TMTC2: variants seen among roughly 807,000 people sequenced by gnomAD.
The protein encoded by TMTC2 is protein O-mannosyl-transferase TMTC2.
TMTC2 carries 43 observed loss-of-function variants against 82.4 expected under a neutral mutation model. The observed-to-expected ratio is 0.52, with a 90% CI of 0.41 to 0.67. The LOEUF (loss-of-function observed/expected upper bound fraction) is 0.67, where lower values mean the gene tolerates loss of function less well. Ranked by LOEUF, TMTC2 falls within the 30% of genes least tolerant of loss-of-function variation. TMTC2 has a pLI of 0.00. For missense variants in TMTC2, 919 were observed against 1,012.4 expected (o/e 0.91, Z 1.25); for synonymous variants, 408 against 381.9 (o/e 1.07, Z -0.80).
chr12:82,854,124 A>G (rs1465578200), intron 1 of TMTC2, among the ~76,000 whole-genome samples: 1 of 152,230 alleles, frequency 6.6e-6, no homozygotes, highest in Non-Finnish European at 1.5e-5. Context: ...CAGTCAATAC[A>G]TGGAGACTTG....
rs140966539 is a variant in TMTC2 at position 82,876,066 on chromosome 12, GTGATGATGATGA to G, written c.654+18489_654+18500del. Reference sequence around the variant, plus strand: ...GGTGGTGGTGGTGGTGGTGGTGGTGGTGATGATGATGATGGTGATTAGTATTCATAATGGTGG... The same window carrying G: ...GGTGGTGGTGGTGGTGGTGGTGGTGGTGGTGATTAGTATTCATAATGGTGG... On this transcript the variant is annotated intron_variant, in intron 2 of 11. Coordinates refer to ENST00000321196, the MANE Select transcript of TMTC2 (RefSeq NM_152588.3). 3.3e-3 allele frequency among the ~76,000 whole-genome samples: 338 copies of G among 101,086 alleles called. 7 individuals carry two copies. Among genetic ancestry groups the G allele is most frequent in the Middle Eastern group, 4.9e-3 (1 of 204 alleles). The allele number at this position is 101,086 out of a possible 152,430, so 66.3% of individuals were successfully genotyped here. A position where few individuals can be genotyped will look rare whatever the true frequency, so the allele number is the denominator to read the frequency against.
Position 82,755,766 on chromosome 12 carries a change from T to TGTGACAAACTTAC in TMTC2, c.83+68097_83+68098insGTGACAAACTTAC, listed in dbSNP as rs1876280834. Among the ~76,000 whole-genome samples the TGTGACAAACTTAC allele has an allele frequency of 3.9e-5, 6 of 152,348 alleles. No homozygotes were observed. The South Asian group carries it at 1.2e-3, about 32-fold the overall frequency. On this transcript the variant is annotated intron_variant, in intron 1 of 11. Transcript: ENST00000321196. ...AATAGACCTGATTGACACACCCTTG[T>TGTGACAAACTTAC]AAGTTTAGTGTCGGAACTGCTTTCA...
intron 4 of TMTC2, among the ~76,000 whole-genome samples, chr12:82,945,649 G>GA (rs35655999): frequency 1.3e-5 from 2 of 152,110 alleles, no homozygotes; most frequent in African/African-American, 4.8e-5. Context: ...TTTGCATTAT[G>GA]AAAAAAGTTT....
intron 11 of TMTC2, among the ~76,000 whole-genome samples, chr12:83,128,618 T>C (rs1885166668): frequency 6.6e-6 from 1 of 152,166 alleles, no homozygotes; most frequent in Non-Finnish European, 1.5e-5. Flanking sequence ...CTTCTCAAAT[T>C]TTAATGAGCT....
chr12:83,006,958 G>C (rs1238774624), intron 8 of TMTC2, among the ~76,000 whole-genome samples: 2 of 152,060 alleles, frequency 1.3e-5, no homozygotes, highest in African/African-American at 4.8e-5. Flanking sequence ...GGCTGGGGGA[G>C]GGATAGCATT....
At chr12:82,911,494 T>A (rs1434155684) in intron 3 of TMTC2, among the ~76,000 whole-genome samples, 2 of 152,236 alleles carry the variant, frequency 1.3e-5, no homozygotes, top group East Asian at 3.8e-4. Flanking sequence ...AGGAGGGACA[T>A]AAATATCATG....
chr12:82,826,996 T>C (rs1350336088), intron 1 of TMTC2, among the ~76,000 whole-genome samples: 1 of 152,166 alleles, frequency 6.6e-6, no homozygotes, highest in Non-Finnish European at 1.5e-5. Context: ...ATTTTACTGA[T>C]TGGAAGGTAA....
At chr12:82,970,332 T>G (rs1592665360) in intron 7 of TMTC2, among the ~76,000 whole-genome samples, 1 of 152,382 alleles carries the variant, frequency 6.6e-6, no homozygotes, top group Middle Eastern at 3.4e-3. Flanking sequence ...CATCATTTCC[T>G]TAGGCTTTTT....
chr12:82,968,106 A>G (rs1333457495), intron 7 of TMTC2, among the ~76,000 whole-genome samples: 1 of 152,128 alleles, frequency 6.6e-6, no homozygotes, highest in Non-Finnish European at 1.5e-5. Flanking sequence ...AGAAAAATAA[A>G]ATTATTTGGA....
intron 8 of TMTC2, among the ~76,000 whole-genome samples, chr12:82,997,831 C>A (rs910034860): frequency 1.3e-5 from 2 of 151,824 alleles, no homozygotes; most frequent in African/African-American, 4.8e-5. Flanking sequence ...TACTATATTT[C>A]ATTCTTAAAA....
intron 7 of TMTC2, among the ~76,000 whole-genome samples, chr12:82,984,010 A>G (rs1012080588): frequency 3.3e-5 from 5 of 152,084 alleles, no homozygotes; most frequent in Admixed American, 1.3e-4. Flanking sequence ...TAGTTTTTAT[A>G]GAGATATGAA....
intron 8 of TMTC2, among the ~76,000 whole-genome samples, chr12:82,994,935 C>T (rs996385761): frequency 6.6e-5 from 10 of 151,874 alleles, no homozygotes; most frequent in African/African-American, 2.4e-4. Flanking sequence ...GATTCCACCC[C>T]CCGCCCCCCA....
intron 3 of TMTC2, among the ~76,000 whole-genome samples, chr12:82,908,216 G>C (rs1874429666): frequency 6.6e-6 from 1 of 152,098 alleles, no homozygotes; most frequent in Non-Finnish European, 1.5e-5. Flanking sequence ...TATTTGTATA[G>C]TTTAAGGAAT....
chr12:82,939,582 T>A lies in TMTC2; in HGVS notation c.1598+9037T>A, dbSNP rs551859159. Among the ~76,000 whole-genome samples, 6 of 152,266 alleles carry A rather than the reference T, an allele frequency of 3.9e-5. No individual in the cohort carries two copies. The South Asian group carries it at 1.2e-3, about 32-fold the overall frequency. ...TGAAAACTAAAATTCCCATTATAAT[T>A]TATTGGATACTTACCTATCATCTAG... On this transcript the variant is annotated intron_variant, in intron 4 of 11. Transcript: ENST00000321196.
chr12:82,788,854 G>T (rs1241003999), intron 1 of TMTC2, among the ~76,000 whole-genome samples: 1 of 152,034 alleles, frequency 6.6e-6, no homozygotes, highest in Non-Finnish European at 1.5e-5. Flanking sequence ...AGAACCAAGA[G>T]GTTCTGAATG....
rs531463085 is a variant in TMTC2 at position 83,051,757 on chromosome 12, CA to C, written c.2267+740del. Among the ~76,000 whole-genome samples, 494 of 152,108 alleles carry C rather than the reference CA, an allele frequency of 3.2e-3. 5 individuals carry two copies. Among genetic ancestry groups the C allele is most frequent in the African/African-American group, 0.011 (473 of 41,514 alleles). On this transcript the variant is annotated intron_variant, in intron 10 of 11. Coordinates refer to ENST00000321196, the MANE Select transcript of TMTC2 (RefSeq NM_152588.3). ...ACTATTGCTTTGTCATGAAACAATA[CA>C]TTTTTTTTAACTTTTAATTCTTCTG...
At chr12:82,988,608 G>C (rs1879271312) in intron 8 of TMTC2, among the ~76,000 whole-genome samples, 1 of 151,710 alleles carries the variant, frequency 6.6e-6, no homozygotes, top group Non-Finnish European at 1.5e-5. Context: ...GACTGATTGA[G>C]GGTCTTCCCA....
intron 8 of TMTC2, among the ~76,000 whole-genome samples, chr12:83,004,026 C>A (rs1008814707): frequency 6.6e-6 from 1 of 152,164 alleles, no homozygotes; most frequent in Non-Finnish European, 1.5e-5. Flanking sequence ...GTTTTGATCT[C>A]TTTACATAAG....
intron 1 of TMTC2, among the ~76,000 whole-genome samples, chr12:82,742,648 T>C (rs1022066796): frequency 6.6e-5 from 10 of 152,022 alleles, no homozygotes; most frequent in African/African-American, 2.4e-4. Flanking sequence ...GCCTCCCTAG[T>C]AGCTGGGATT....
Sources: allele counts gnomAD v4.1 joint callset (sites outside exome capture counted in the v4.1 genomes callset), GRCh38; gene constraint gnomAD v4.1.1; transcripts MANE v1.5; gene names NCBI Gene and HGNC (gene_info 2026-07-23, HGNC 2026-07-21).